The following INPP5K variants were observed in gnomAD, a reference collection of about 807,000 sequenced individuals.
INPP5K encodes inositol polyphosphate 5-phosphatase K.
Under a neutral mutation model 53.5 loss-of-function variants are expected in INPP5K, and 35 were observed. The ratio of observed to expected loss-of-function variants is 0.65; its 90% CI spans 0.50 to 0.87. The LOEUF is 0.87. Ranked by LOEUF, INPP5K falls within the 40% of genes least tolerant of loss-of-function variation. INPP5K has a pLI of 0.00. For missense variants in INPP5K, 550 were observed against 586.2 expected (o/e 0.94, Z 0.64); for synonymous variants, 253 against 232.8 (o/e 1.09, Z -0.79).
At chr17:1,503,649 C>T (rs1310147155) in intron 7 of INPP5K, among the ~76,000 whole-genome samples, 6 of 151,962 alleles carry the variant, frequency 3.9e-5, no homozygotes, top group African/African-American at 9.7e-5. Context: ...GCCCAGGAGG[C>T]GGACGTTGCA....
chr17:1,506,501 C>T (rs539365838), intron 7 of INPP5K, among the ~76,000 whole-genome samples: 1 of 152,292 alleles, frequency 6.6e-6, no homozygotes, highest in East Asian at 1.9e-4. Context: ...AACTACCAGA[C>T]TCATGATCTC....
At chr17:1,515,293 G>A (rs1239304162) in intron 1 of INPP5K, 1 of 265,942 alleles carries the variant, frequency 3.8e-6, no homozygotes, top group Non-Finnish European at 5.8e-6. Context: ...GAAAAATAAA[G>A]AGTACTCTCT....
chr17:1,513,002 T>C (rs1489194183), intron 3 of INPP5K, among the ~76,000 whole-genome samples: 3 of 152,230 alleles, frequency 2.0e-5, no homozygotes, highest in Non-Finnish European at 2.9e-5. Context: ...GTAAAATATC[T>C]CTATTTCAAC....
intron 7 of INPP5K, among the ~76,000 whole-genome samples, chr17:1,499,749 G>T (rs2074957157): frequency 6.6e-6 from 1 of 152,206 alleles, no homozygotes; most frequent in Non-Finnish European, 1.5e-5. Context: ...GGTGGGGTGT[G>T]TGTGTGGCGG....
chr17:1,499,266 A>G (rs1484527783), intron 7 of INPP5K, among the ~76,000 whole-genome samples: 2 of 152,050 alleles, frequency 1.3e-5, no homozygotes, highest in African/African-American at 4.8e-5. Context: ...TAATCCAAGC[A>G]CTTTGGGAGG....
intron 7 of INPP5K, 77 bp from the exon 8 acceptor site, chr17:1,498,199 T>C: frequency 3.8e-6 from 5 of 1,299,138 alleles, no homozygotes; most frequent in Admixed American, 2.1e-5. Flanking sequence ...TGAGCCCACA[T>C]GAGCTTGCTG....
chr17:1,515,943 C>T (rs1468675535), intron 1 of INPP5K: 2 of 988,032 alleles, frequency 2.0e-6, no homozygotes, highest in African/African-American at 1.7e-5. Flanking sequence ...TCAAATCCGA[C>T]GATTAGCAGC....
At chr17:1,503,263 A>G (rs2075073167) in intron 7 of INPP5K, among the ~76,000 whole-genome samples, 1 of 145,622 alleles carries the variant, frequency 6.9e-6, no homozygotes, top group Non-Finnish European at 1.5e-5. Context: ...GGCTCACTGC[A>G]ACCTCCGCCT....
intron 7 of INPP5K, among the ~76,000 whole-genome samples, chr17:1,500,949 A>G (rs961159301): frequency 9.5e-4 from 137 of 144,874 alleles, no homozygotes; most frequent in Non-Finnish European, 1.5e-3. Flanking sequence ...CTCCTTCTTT[A>G]TTCAACTGCT....
At chr17:1,516,258 G>T in intron 1 of INPP5K, 198 bp downstream of exon 1, 2 of 859,476 alleles carry the variant, frequency 2.3e-6, no homozygotes, top group Non-Finnish European at 3.3e-6. Context: ...GTGGGAACGA[G>T]CTTGGCGGCC....
intron 2 of INPP5K, 76 bp downstream of exon 2, chr17:1,513,796 A>T (rs773415909): frequency 1.5e-5 from 17 of 1,148,940 alleles, no homozygotes; most frequent in Non-Finnish European, 2.2e-5. Flanking sequence ...AGAGCGGAGG[A>T]GGGCAGGTCA....
At chr17:1,511,339 G>C (rs1419440371) in intron 3 of INPP5K, among the ~76,000 whole-genome samples, 1 of 152,230 alleles carries the variant, frequency 6.6e-6, no homozygotes, top group East Asian at 1.9e-4. Flanking sequence ...ACTATCTGCA[G>C]CTGCAAAAGG....
At chr17:1,515,787 T>G in intron 1 of INPP5K, 1 of 679,794 alleles carries the variant, frequency 1.5e-6, no homozygotes, top group Non-Finnish European at 1.8e-6. Flanking sequence ...GCACTCGGCC[T>G]GAGATTTTGA....
At chr17:1,496,927 T>C (rs1271462409) in intron 8 of INPP5K, 124 bp from the exon 9 acceptor site, 6 of 943,934 alleles carry the variant, frequency 6.4e-6, no homozygotes, top group Admixed American at 2.1e-5. Flanking sequence ...GGGGTGGGCA[T>C]GGAACTCCAC....
In INPP5K at chr17:1,502,129, C is replaced by T. The variant is rs550167561; in HGVS notation, c.777-4007G>A. Among the ~76,000 whole-genome samples, 58 of 152,014 alleles carry T rather than the reference C, an allele frequency of 3.8e-4. 1 individual carries two copies. In the East Asian group the frequency reaches 0.01, roughly 27 times the overall value. ...CTTTGGGAGGCCAAGGCGGGCAGAT[C>T]ATGAGGTCAGGACATGGAGACCATC... On this transcript the variant is annotated intron_variant, in intron 7 of 11. Coordinates refer to ENST00000421807, the MANE Select transcript of INPP5K (RefSeq NM_016532.4).
chr17:1,509,654 C>T, intron 4 of INPP5K, 29 bp downstream of exon 4: 1 of 1,408,986 alleles, frequency 7.1e-7, no homozygotes, highest in Non-Finnish European at 1.0e-6. Context: ...CTTCCCAGCT[C>T]ACGACTCAGA....
intron 2 of INPP5K, 107 bp from the exon 3 acceptor site, chr17:1,513,668 C>A (rs1598392824): frequency 9.5e-7 from 1 of 1,054,464 alleles, no homozygotes; most frequent in South Asian, 1.3e-5. Flanking sequence ...GTTCTGATGG[C>A]CATGAGGTCT....
chr17:1,513,923 T>A lies in INPP5K; in HGVS notation c.101A>T (p.Asp34Val). The change falls in exon 2 of 12, where the codon GAC (aspartate) becomes GTC (valine). Residue 34 changes from aspartate to valine, a missense_variant. Transcript: ENST00000421807. ...ASAAPPLDLS[D>V]LLQLNNRNLN... ...GTTCCGGTTGTTCAGCTGAAGCAGG[T>A]CACTGAGATCTAGAGGGGGCGCTGC... The A allele has an allele frequency of 6.2e-7, 1 of 1,613,536 alleles. No individual in the cohort carries two copies. The highest frequency in any genetic ancestry group is 8.5e-7 in the Non-Finnish European group (1 of 1,179,618).
Position 1,496,819 on chromosome 17 carries a change from G to A in INPP5K, c.964-16C>T, listed in dbSNP as rs2074862161. 6.2e-7 allele frequency: 1 copy of A among 1,612,900 alleles called. No homozygotes were observed. The highest frequency in any genetic ancestry group is 8.5e-7 in the Non-Finnish European group (1 of 1,179,492). ...ATGGCTTCAGCTAGACACGGGGGTG[G>A]GAAGGGGGCTGAATCTCGCAGCATC... is the stretch of plus-strand genomic sequence containing the variant. On this transcript the variant is annotated splice_polypyrimidine_tract_variant and intron_variant, in intron 8 of 11. Transcript: ENST00000421807.
Sources: gnomAD v4.1 joint callset for allele counts (sites outside exome capture counted in the v4.1 genomes callset) on GRCh38, gnomAD v4.1.1 for gene constraint, MANE v1.5 for transcripts, NCBI Gene and HGNC (gene_info 2026-07-23, HGNC 2026-07-21) for gene names.